Variants in PDSS2 observed in about 807,000 individuals in gnomAD.
PDSS2 encodes decaprenyl diphosphate synthase subunit 2, also known as all trans-polyprenyl-diphosphate synthase PDSS2.
A neutral mutation model predicts 44.5 loss-of-function variants in PDSS2; 31 were observed. That is an observed-to-expected ratio of 0.70 (90% CI 0.52 to 0.94). The LOEUF (loss-of-function observed/expected upper bound fraction) is 0.94, where lower values mean the gene tolerates loss of function less well. Ranked by LOEUF, PDSS2 falls within the 40% of genes least tolerant of loss-of-function variation. PDSS2 has a pLI of 0.00. For missense variants in PDSS2, 452 were observed against 482.2 expected (o/e 0.94, Z 0.59); for synonymous variants, 157 against 180.3 (o/e 0.87, Z 1.03).
chr6:107,252,956 A>T lies in PDSS2; in HGVS notation c.631-7337T>A, dbSNP rs567010599. ...CTAATGAAACTAGTCTCGTTAGGCCACAGTTATACATGAGACACTACCAAA... is the reference window on the plus strand; with the variant it reads ...CTAATGAAACTAGTCTCGTTAGGCCTCAGTTATACATGAGACACTACCAAA... On this transcript the variant is annotated intron_variant, in intron 3 of 7. Coordinates refer to ENST00000369037, the MANE Select transcript of PDSS2 (RefSeq NM_020381.4). Among the ~76,000 whole-genome samples, 8 of 152,354 alleles carry T rather than the reference A, an allele frequency of 5.3e-5. No individual in the cohort carries two copies. The East Asian group carries it at 1.3e-3, about 26-fold the overall frequency.
chr6:107,417,511 C>T (rs1461208306), intron 1 of PDSS2, among the ~76,000 whole-genome samples: 4 of 152,178 alleles, frequency 2.6e-5, no homozygotes, highest in Admixed American at 2.0e-4. Flanking sequence ...GTAATCCCAG[C>T]ACTTGGGGAG....
At chr6:107,333,518 A>G (rs1014456947) in intron 2 of PDSS2, among the ~76,000 whole-genome samples, 3 of 152,148 alleles carry the variant, frequency 2.0e-5, no homozygotes, top group African/African-American at 7.2e-5. Context: ...ATCAATCTTT[A>G]TACAATGAGG....
chr6:107,443,966 TG>T (rs1317314625), intron 1 of PDSS2, among the ~76,000 whole-genome samples: 1 of 152,220 alleles, frequency 6.6e-6, no homozygotes, highest in Non-Finnish European at 1.5e-5. Context: ...CGCCAGGTAC[TG>T]TTCTAAGCAC....
rs931317850 is a variant in PDSS2 at position 107,446,313 on chromosome 6, T to TA, written c.296+12676dup. ...CCTGGCAACGAAGCAAGACTCCATC[T>TA]AAAAAAAAAAGAAAAAAAAGAAATA... On this transcript the variant is annotated intron_variant, in intron 1 of 7. Coordinates refer to ENST00000369037, the MANE Select transcript of PDSS2 (RefSeq NM_020381.4). Among the ~76,000 whole-genome samples the TA allele has an allele frequency of 2.2e-4, 33 of 146,746 alleles. 1 individual carries two copies. Among genetic ancestry groups the TA allele is most frequent in the South Asian group, 1.3e-3 (6 of 4,626 alleles).
chr6:107,313,841 A>G (rs1015798605), intron 2 of PDSS2, among the ~76,000 whole-genome samples: 1 of 152,296 alleles, frequency 6.6e-6, no homozygotes, highest in Admixed American at 6.5e-5. Flanking sequence ...TTATAACAAA[A>G]TGAAAATAAA....
At chr6:107,251,469 C>A (rs1014120055) in intron 3 of PDSS2, among the ~76,000 whole-genome samples, 2 of 152,190 alleles carry the variant, frequency 1.3e-5, no homozygotes, top group African/African-American at 4.8e-5. Context: ...CTTTGAGCTG[C>A]TAGCAAAGAA....
At chr6:107,393,077 C>T (rs2114538474) in intron 1 of PDSS2, among the ~76,000 whole-genome samples, 1 of 152,136 alleles carries the variant, frequency 6.6e-6, no homozygotes, top group Non-Finnish European at 1.5e-5. Context: ...TTACTGCCTT[C>T]CTTTACATTA....
chr6:107,301,712 C>T (rs1430301816), intron 2 of PDSS2, among the ~76,000 whole-genome samples: 2 of 151,642 alleles, frequency 1.3e-5, no homozygotes, highest in African/African-American at 4.8e-5. Context: ...ACCTGTAAGC[C>T]CAGCACTTTT....
chr6:107,458,997 T>C lies in PDSS2; in HGVS notation c.289A>G (p.Thr97Ala). 6.2e-7 allele frequency: 1 copy of C among 1,613,804 alleles called. No individual in the cohort carries two copies. Among genetic ancestry groups the C allele is most frequent in the Non-Finnish European group, 8.5e-7 (1 of 1,179,840 alleles). ...LVGTQHPLLT[T>A]ARGLVHDSWN... ...GGGAGAGGGGTAGCTCACCTGGCTG[T>C]GGTAAGCAGAGGGTGCTGAGTGCCC... The change falls in exon 1 of 8, where the codon ACA (threonine) becomes GCA (alanine). Residue 97 changes from threonine to alanine, a missense_variant. Transcript: ENST00000369037.
chr6:107,407,073 A>G (rs150487700), intron 1 of PDSS2, among the ~76,000 whole-genome samples: 2 of 152,340 alleles, frequency 1.3e-5, no homozygotes, highest in African/African-American at 2.4e-5. Flanking sequence ...ATGAACAGAT[A>G]AACAAAATGT....
chr6:107,402,288 A>C (rs1780131789), intron 1 of PDSS2, among the ~76,000 whole-genome samples: 1 of 150,612 alleles, frequency 6.6e-6, no homozygotes, highest in Non-Finnish European at 1.5e-5. Context: ...CAAAAAAAAA[A>C]CAAACCAACA....
At chr6:107,427,546 A>G (rs1315110542) in intron 1 of PDSS2, among the ~76,000 whole-genome samples, 1 of 152,254 alleles carries the variant, frequency 6.6e-6, no homozygotes, top group Non-Finnish European at 1.5e-5. Context: ...GTGCCAGCAA[A>G]GAGTTTTATA....
At chr6:107,336,421 C>G (rs1777895221) in intron 1 of PDSS2, among the ~76,000 whole-genome samples, 1 of 151,994 alleles carries the variant, frequency 6.6e-6, no homozygotes, top group African/African-American at 2.4e-5. Context: ...CTGTCCTTAA[C>G]CAAGTAGGCA....
At chr6:107,383,492 T>C (rs1779516722) in intron 1 of PDSS2, among the ~76,000 whole-genome samples, 1 of 151,770 alleles carries the variant, frequency 6.6e-6, no homozygotes, top group Admixed American at 6.6e-5. Flanking sequence ...AAATTTTGTG[T>C]ATCAAAGGAC....
intron 2 of PDSS2, among the ~76,000 whole-genome samples, chr6:107,299,945 T>C (rs1171968827): frequency 6.6e-6 from 1 of 152,016 alleles, no homozygotes; most frequent in African/African-American, 2.4e-5. Flanking sequence ...TTGACTCAGG[T>C]ACATAGCACC....
At position 107,372,452 on chromosome 6, in the gene PDSS2, T is replaced by C. The variant is rs182813149; in HGVS notation, c.297-38120A>G. Among the ~76,000 whole-genome samples, 64 of 152,262 alleles carry C rather than the reference T, an allele frequency of 4.2e-4. No individual in the cohort carries two copies. In the East Asian group the frequency reaches 0.01, roughly 25 times the overall value. The stretch of plus-strand genomic sequence containing the variant: ...ATGTTTCATCAGTATCATATAATTC[T>C]TTTTTATTTTTTATTTTTTGAGACG... On this transcript the variant is annotated intron_variant, in intron 1 of 7. Coordinates refer to ENST00000369037, the MANE Select transcript of PDSS2 (RefSeq NM_020381.4).
At chr6:107,427,970 C>G (rs1343280402) in intron 1 of PDSS2, among the ~76,000 whole-genome samples, 1 of 152,166 alleles carries the variant, frequency 6.6e-6, no homozygotes, top group Non-Finnish European at 1.5e-5. Flanking sequence ...TTTGGATTGA[C>G]AAATTTCACA....
chr6:107,449,204 CCA>C (rs935091741), intron 1 of PDSS2, among the ~76,000 whole-genome samples: 2 of 152,146 alleles, frequency 1.3e-5, no homozygotes, highest in Non-Finnish European at 2.9e-5. Flanking sequence ...TTCTCCATCT[CCA>C]CAGTTTTGTC....
intron 3 of PDSS2, among the ~76,000 whole-genome samples, chr6:107,270,893 T>C (rs1211779183): frequency 1.3e-5 from 2 of 152,230 alleles, no homozygotes; most frequent in African/African-American, 4.8e-5. Flanking sequence ...TTACTTGAAA[T>C]ACCTGATGAC....
Sources: allele counts gnomAD v4.1 joint callset (sites outside exome capture counted in the v4.1 genomes callset), GRCh38; gene constraint gnomAD v4.1.1; transcripts MANE v1.5; gene names NCBI Gene and HGNC (gene_info 2026-07-23, HGNC 2026-07-21).